Variants in FOXP2 observed in about 807,000 individuals in gnomAD.
FOXP2 encodes forkhead box P2.
A neutral mutation model predicts 115.8 loss-of-function variants in FOXP2; 12 were observed. The observed-to-expected ratio is 0.10, with a 90% CI of 0.07 to 0.17. FOXP2 has a LOEUF of 0.17. FOXP2 is among the 10% of genes least tolerant of loss of function. FOXP2 has a pLI of 1.00. For missense variants in FOXP2, 629 were observed against 843.5 expected (o/e 0.75, Z 3.15); for synonymous variants, 328 against 297.7 (o/e 1.10, Z -1.05).
chr7:114,490,599 C>T (rs1796995562), intron 2 of FOXP2, among the ~76,000 whole-genome samples: 1 of 152,040 alleles, frequency 6.6e-6, no homozygotes, highest in African/African-American at 2.4e-5. Flanking sequence ...TGGTGTGCTG[C>T]ACCCATTAAC....
At chr7:114,290,222 T>A (rs1001360331) in intron 2 of FOXP2, among the ~76,000 whole-genome samples, 2 of 151,982 alleles carry the variant, frequency 1.3e-5, no homozygotes, top group Non-Finnish European at 2.9e-5. Context: ...ATTTTTTTTT[T>A]AGTTTTATCT....
chr7:114,390,522 G>GTATGTATTTATTTATTTATTTATTTATT (rs1554382697), intron 2 of FOXP2, among the ~76,000 whole-genome samples: 6 of 148,366 alleles, frequency 4.0e-5, no homozygotes, highest in African/African-American at 1.5e-4. Context: ...TTTTATTTAT[G>GTATGTATTTATTTATTTATTTATTTATT]TATTTATTTA....
chr7:114,287,019 C>A (rs1324742051), intron 1 of FOXP2, among the ~76,000 whole-genome samples: 1 of 152,044 alleles, frequency 6.6e-6, no homozygotes, highest in Non-Finnish European at 1.5e-5. Context: ...ATGCCTATGG[C>A]AGACATTGCT....
In FOXP2 at chr7:114,692,903, C is replaced by T. The variant is rs887844453; in HGVS notation, c.*2977C>T. The T allele has an allele frequency of 7.5e-5, 34 of 453,734 alleles. No homozygotes were observed. The highest frequency in any genetic ancestry group is 2.4e-4 in the Admixed American group (10 of 42,488). The allele number at this position is 453,734 out of a possible 1,614,324, so 28.1% of individuals were successfully genotyped here. On this transcript the variant is annotated 3_prime_UTR_variant, in exon 17 of 17. Coordinates refer to ENST00000350908, the MANE Select transcript of FOXP2 (RefSeq NM_014491.4). ...TATGTTCATACTTTGAATTCTCTGA[C>T]GTTAGAAGTCATGGTTGAGAATTGT...
At chr7:114,639,119 G>A (rs766686562) in intron 6 of FOXP2, among the ~76,000 whole-genome samples, 1 of 152,068 alleles carries the variant, frequency 6.6e-6, no homozygotes, top group Non-Finnish European at 1.5e-5. Context: ...CAGTAACATC[G>A]TTAGTTGGTA....
At chr7:114,637,551 G>A (rs1436946160) in intron 6 of FOXP2, among the ~76,000 whole-genome samples, 3 of 152,056 alleles carry the variant, frequency 2.0e-5, no homozygotes, top group Non-Finnish European at 4.4e-5. Flanking sequence ...AACATTCTTT[G>A]AGCTTTCTGT....
intron 1 of FOXP2, among the ~76,000 whole-genome samples, chr7:114,274,728 A>C (rs1796145184): frequency 6.9e-6 from 1 of 144,894 alleles, no homozygotes; most frequent in African/African-American, 2.6e-5. Flanking sequence ...TGATCCTTCC[A>C]TTTCAACCAC....
intron 2 of FOXP2, among the ~76,000 whole-genome samples, chr7:114,487,447 C>G (rs1370611048): frequency 2.0e-5 from 3 of 152,140 alleles, no homozygotes; most frequent in East Asian, 3.9e-4. Context: ...CCTCAACATG[C>G]CCTGGAGACA....
At position 114,282,287 on chromosome 7, in the gene FOXP2, G is replaced by T. The variant is rs565439485; in HGVS notation, c.-101-5732G>T. On this transcript the variant is annotated intron_variant, in intron 1 of 17. Coordinates refer to the FOXP2 transcript ENST00000634411. The stretch of plus-strand genomic sequence containing the variant: ...AAACTACAAATTATGTTTTATTAAG[G>T]TATAGTTTAAATCACTAGTTTTTGA... Among the ~76,000 whole-genome samples the T allele has an allele frequency of 1.5e-3, 222 of 152,126 alleles. 1 individual carries two copies. The highest frequency in any genetic ancestry group is 4.8e-3 in the African/African-American group (201 of 41,514).
At chr7:114,513,567 G>T (rs1798180185) in intron 2 of FOXP2, among the ~76,000 whole-genome samples, 1 of 152,022 alleles carries the variant, frequency 6.6e-6, no homozygotes, top group Non-Finnish European at 1.5e-5. Flanking sequence ...GATGCTCTGG[G>T]TAAAGAACCA....
chr7:114,473,426 G>C (rs1796130094), intron 2 of FOXP2, among the ~76,000 whole-genome samples: 1 of 152,036 alleles, frequency 6.6e-6, no homozygotes, highest in Non-Finnish European at 1.5e-5. Flanking sequence ...AGGAATCAGG[G>C]GTCTGCTTAT....
chr7:114,408,013 C>A (rs899173209), intron 2 of FOXP2, among the ~76,000 whole-genome samples: 3 of 151,986 alleles, frequency 2.0e-5, no homozygotes, highest in African/African-American at 7.2e-5. Flanking sequence ...ATGATATTTT[C>A]TTTGTTTCAC....
At chr7:114,183,479 T>C (rs924449134) in intron 1 of FOXP2, among the ~76,000 whole-genome samples, 6 of 152,176 alleles carry the variant, frequency 3.9e-5, no homozygotes, top group Non-Finnish European at 7.4e-5. Context: ...GAGCCTTCTT[T>C]AGCTGAAAAT....
chr7:114,099,411 T>A (rs1263190648), intron 1 of FOXP2, among the ~76,000 whole-genome samples: 1 of 152,162 alleles, frequency 6.6e-6, no homozygotes, highest in Admixed American at 6.5e-5. Flanking sequence ...GCACCTCTTG[T>A]CCGCTTTGGT....
At chr7:114,540,157 C>T (rs906521179) in intron 3 of FOXP2, among the ~76,000 whole-genome samples, 1 of 151,952 alleles carries the variant, frequency 6.6e-6, no homozygotes, top group Non-Finnish European at 1.5e-5. Flanking sequence ...CCAGCTATTT[C>T]AATGATTTGA....
intron 16 of FOXP2, among the ~76,000 whole-genome samples, chr7:114,677,655 G>A (rs181387559): frequency 2.8e-4 from 43 of 152,248 alleles, no homozygotes; most frequent in Admixed American, 1.8e-3. Flanking sequence ...CTTAGGTACT[G>A]GTAAATTTCA....
At chr7:114,559,686 T>G (rs1172843037) in intron 3 of FOXP2, among the ~76,000 whole-genome samples, 5 of 151,570 alleles carry the variant, frequency 3.3e-5, no homozygotes, top group Non-Finnish European at 7.4e-5. Context: ...ATCGAGACCA[T>G]ACTGGCTAAC....
At chr7:114,285,076 G>T (rs979742558) in intron 1 of FOXP2, among the ~76,000 whole-genome samples, 2 of 152,076 alleles carry the variant, frequency 1.3e-5, no homozygotes, top group Admixed American at 6.6e-5. Context: ...TAACTAAAGT[G>T]TACTAGGCTC....
chr7:114,327,256 C>T (rs1384407098), intron 2 of FOXP2, among the ~76,000 whole-genome samples: 1 of 152,178 alleles, frequency 6.6e-6, no homozygotes, highest in Non-Finnish European at 1.5e-5. Context: ...GTAGGTGGAA[C>T]ACATTTATTC....
Sources: allele counts gnomAD v4.1 joint callset (sites outside exome capture counted in the v4.1 genomes callset), GRCh38; gene constraint gnomAD v4.1.1; transcripts MANE v1.5; gene names NCBI Gene and HGNC (gene_info 2026-07-23, HGNC 2026-07-21).